ATP8B1: variants seen among roughly 807,000 people sequenced by gnomAD.
ATP8B1 encodes the protein ATPase phospholipid transporting 8B1.
In ATP8B1, 80 loss-of-function variants were observed where a neutral mutation model predicts 149.9. That is an observed-to-expected ratio of 0.53 (90% CI 0.45 to 0.64). The LOEUF (loss-of-function observed/expected upper bound fraction) is 0.64. Ranked by LOEUF, ATP8B1 falls within the 30% of genes least tolerant of loss-of-function variation. ATP8B1 has a pLI of 0.00. For missense variants in ATP8B1, 1,247 were observed against 1,552.6 expected, an observed-to-expected ratio of 0.80 and a Z score of 3.31; for synonymous variants, 536 against 562.8, an observed-to-expected ratio of 0.95 and a Z score of 0.67.
At chr18:57,661,544 A>G (rs1323127851) in intron 21 of ATP8B1, 82 bp from the exon 22 acceptor site, 3 of 1,461,002 alleles carry the variant, frequency 2.1e-6, no homozygotes, top group Non-Finnish European at 2.8e-6. Flanking sequence ...AATTATGTGA[A>G]GGATAATTTT....
intron 2 of ATP8B1, among the ~76,000 whole-genome samples, chr18:57,709,997 CTT>C (rs60041581): frequency 1.1e-3 from 150 of 141,696 alleles, no homozygotes; most frequent in Non-Finnish European, 1.4e-3. Flanking sequence ...CTTTTCTTTT[CTT>C]TTTTTTTTTT....
intron 17 of ATP8B1, among the ~76,000 whole-genome samples, chr18:57,670,576 T>C (rs1320446574): frequency 6.6e-6 from 1 of 151,970 alleles, no homozygotes; most frequent in Admixed American, 6.6e-5. Context: ...GGTCTCGATC[T>C]GTTAACCTCG....
At chr18:57,713,201 TTCC>T (rs1568207516) in intron 2 of ATP8B1, among the ~76,000 whole-genome samples, 2,273 of 70,134 alleles carry the variant, frequency 0.032, 33 homozygotes, top group South Asian at 0.034. Flanking sequence ...CTTTCTTTCC[TTCC>T]TTCCTTCCTT....
At position 57,775,345 on chromosome 18, in the gene ATP8B1, A is replaced by AG. The variant is rs529714464; in HGVS notation, c.-26+27652dup. Among the ~76,000 whole-genome samples, 4 of 151,312 alleles carry AG rather than the reference A, an allele frequency of 2.6e-5. No individual in the cohort carries two copies. The South Asian group carries it at 8.4e-4, about 32-fold the overall frequency. On this transcript the variant is annotated intron_variant, in intron 1 of 27. Transcript: ENST00000648908. ...AAAGAAAAGAGAAAGAGAAGGAAGG[A>AG]GGGGGAGAGAGACGAAAGAAAGAAA...
chr18:57,752,217 AATAATAATG>A lies in ATP8B1; in HGVS notation c.-25-20394_-25-20386del, dbSNP rs1280248590. 5.8e-3 allele frequency among the ~76,000 whole-genome samples: 815 copies of A among 141,284 alleles called. 8 individuals carry two copies. Among genetic ancestry groups the A allele is most frequent in the Admixed American group, 0.017 (240 of 14,150 alleles). 92.7% of individuals were successfully genotyped at this position (141,284 alleles called of 152,430 possible). ...GTGAGACCCTGTCTCAAATAATAAT[AATAATAATG>A]ATAATAATAATAATAATAAATGATA... is the stretch of plus-strand genomic sequence containing the variant. On this transcript the variant is annotated intron_variant, in intron 1 of 27. Transcript: ENST00000648908.
At chr18:57,675,446 T>G (rs546996089) in intron 15 of ATP8B1, among the ~76,000 whole-genome samples, 31 of 152,370 alleles carry the variant, frequency 2.0e-4, no homozygotes, top group Admixed American at 1.0e-3. Context: ...TTTATAAACA[T>G]TTGAACAAAT....
At chr18:57,690,652 A>C in intron 12 of ATP8B1, among the ~76,000 whole-genome samples, 1 of 152,250 alleles carries the variant, frequency 6.6e-6, no homozygotes, top group Non-Finnish European at 1.5e-5. Context: ...TGTTAAAAGA[A>C]CAACAGTAAC....
intron 1 of ATP8B1, among the ~76,000 whole-genome samples, chr18:57,793,288 C>T (rs1599246003): frequency 1.3e-5 from 2 of 152,054 alleles, no homozygotes; most frequent in South Asian, 2.1e-4. Context: ...TGCCTGTGTC[C>T]GATCCCATTC....
intron 2 of ATP8B1, among the ~76,000 whole-genome samples, chr18:57,706,810 G>C (rs1913419873): frequency 6.6e-6 from 1 of 152,124 alleles, no homozygotes; most frequent in African/African-American, 2.4e-5. Context: ...AGGGAAATTT[G>C]GACACAGAGA....
At chr18:57,654,134 G>A in intron 23 of ATP8B1, 59 bp from the exon 24 acceptor site, 3 of 1,372,924 alleles carry the variant, frequency 2.2e-6, no homozygotes, top group South Asian at 2.3e-5. Context: ...AGCCTAGTTA[G>A]CACATACTCA....
rs765097552 is a variant in ATP8B1 at position 57,655,236 on chromosome 18, CAAAGT to C, written c.2884_2888del (p.Thr962GlyfsTer46). 6.2e-7 allele frequency: 1 copy of C among 1,614,098 alleles called. No individual in the cohort carries two copies. Among genetic ancestry groups the C allele is most frequent in the Non-Finnish European group, 8.5e-7 (1 of 1,179,974 alleles). Reference sequence around the variant, plus strand: ...TGAAGAAGGAGTACCAGAAATGAACCAAAGTAAAGGCAAAGTTTTTGTAAAAGAAG... The same window carrying C: ...TGAAGAAGGAGTACCAGAAATGAACCAAAGGCAAAGTTTTTGTAAAAGAAG... On this transcript the variant is annotated frameshift_variant, in exon 23 of 28. Coordinates refer to ENST00000648908, the MANE Select transcript of ATP8B1 (RefSeq NM_001374385.1). LOFTEE classifies it high-confidence loss of function.
In ATP8B1 at chr18:57,676,735, A is replaced by AG. The variant is rs899271732; in HGVS notation, c.1631-1714_1631-1713insC. On this transcript the variant is annotated intron_variant, in intron 15 of 27. Transcript: ENST00000648908. ...TCCATTTCAAAAAAAAAAAAAAAAAAAAAGAAAGAAAGAAAAGTTGAAACA... is the reference window on the plus strand; with the variant it reads ...TCCATTTCAAAAAAAAAAAAAAAAAAGAAAGAAAGAAAGAAAAGTTGAAACA... Among the ~76,000 whole-genome samples, 59 of 151,034 alleles carry AG rather than the reference A, an allele frequency of 3.9e-4. 1 individual carries two copies. The South Asian group carries it at 8.8e-3, about 23-fold the overall frequency.
In ATP8B1 at chr18:57,655,197, C is replaced by T. The variant is rs201803908; in HGVS notation, c.2928G>A (p.Ala976=). Reference sequence around the variant, plus strand: ...AATAATAACAACATTACATTACCTGCGCAGAGTAGCCATTGAAGAAGGAGT... The same window carrying T: ...AATAATAACAACATTACATTACCTGTGCAGAGTAGCCATTGAAGAAGGAGT... ...FWYSFFNGYS[A]QTAYEDWFIT... The change falls in exon 23 of 28, where the codon GCG becomes GCA. Residue 976 remains alanine, a synonymous_variant. Coordinates refer to ENST00000648908, the MANE Select transcript of ATP8B1 (RefSeq NM_001374385.1). 1.3e-4 allele frequency: 206 copies of T among 1,602,646 alleles called. 1 individual carries two copies. In the East Asian group the frequency reaches 2.5e-3, roughly 20 times the overall value.
At chr18:57,756,204 TATATATAC>T (rs1472543582) in intron 1 of ATP8B1, among the ~76,000 whole-genome samples, 2 of 84,400 alleles carry the variant, frequency 2.4e-5, no homozygotes, top group African/African-American at 1.0e-4. Context: ...TATATATATA[TATATATAC>T]ACACACACAC....
chr18:57,660,003 G>A (rs1204030523), intron 22 of ATP8B1, among the ~76,000 whole-genome samples: 3 of 152,122 alleles, frequency 2.0e-5, no homozygotes, highest in Admixed American at 6.6e-5. Context: ...TTTCTTTTCC[G>A]ATGAGAAAAC....
intron 2 of ATP8B1, among the ~76,000 whole-genome samples, chr18:57,727,394 C>T (rs867760607): frequency 6.6e-6 from 1 of 152,204 alleles, no homozygotes; most frequent in Non-Finnish European, 1.5e-5. Flanking sequence ...ACGATTGATA[C>T]GTTTCAATGA....
chr18:57,796,345 T>C (rs1265802358), intron 1 of ATP8B1, among the ~76,000 whole-genome samples: 1 of 152,188 alleles, frequency 6.6e-6, no homozygotes, highest in African/African-American at 2.4e-5. Context: ...GTCCTTACTG[T>C]AACAAAAGTT....
At chr18:57,661,551 T>C in intron 21 of ATP8B1, 89 bp from the exon 22 acceptor site, 1 of 1,420,576 alleles carries the variant, frequency 7.0e-7, no homozygotes, top group Non-Finnish European at 9.7e-7. Flanking sequence ...TGAAGGATAA[T>C]TTTTGGATTA....
intron 1 of ATP8B1, among the ~76,000 whole-genome samples, chr18:57,756,788 G>A (rs1203531889): frequency 6.6e-6 from 1 of 152,118 alleles, no homozygotes; most frequent in East Asian, 1.9e-4. Context: ...TTTCAGATGT[G>A]ACATCTGGAG....
Sources: allele counts gnomAD v4.1 joint callset (sites outside exome capture counted in the v4.1 genomes callset), GRCh38; gene constraint gnomAD v4.1.1; transcripts MANE v1.5; gene names NCBI Gene and HGNC (gene_info 2026-07-23, HGNC 2026-07-21).